Variants in HECW2 observed in about 807,000 individuals in gnomAD.
The protein encoded by HECW2 is HECT, C2 and WW domain containing E3 ubiquitin protein ligase 2.
Under a neutral mutation model 175.2 loss-of-function variants are expected in HECW2, and 61 were observed. The ratio of observed to expected loss-of-function variants is 0.35; its 90% CI spans 0.28 to 0.43. The LOEUF is 0.43. HECW2 is among the 20% of genes least tolerant of loss of function. HECW2 has a pLI of 1.00. For missense variants in HECW2, 1,524 were observed against 2,000.5 expected (o/e 0.76, Z 4.54); for synonymous variants, 671 against 731.0 (o/e 0.92, Z 1.32).
intron 2 of HECW2, among the ~76,000 whole-genome samples, chr2:196,411,675 G>A (rs189656251): frequency 1.7e-4 from 26 of 152,366 alleles, no homozygotes; most frequent in African/African-American, 6.0e-4. Flanking sequence ...AAGCTCAAGA[G>A]GAGGCATTTT....
At chr2:196,246,218 G>C (rs989366308) in intron 19 of HECW2, among the ~76,000 whole-genome samples, 8 of 152,184 alleles carry the variant, frequency 5.3e-5, no homozygotes, top group Non-Finnish European at 1.2e-4. Flanking sequence ...GTCCACTCAA[G>C]GGTGGCACAA....
Position 196,552,646 on chromosome 2 carries a change from C to T in HECW2, c.-36+40862G>A, listed in dbSNP as rs558088878. ...CCTTGAGAGGCCAAAGGAAGTCCTT[C>T]CTCTCTCCCGCTCCCTATGGTTCCT... On this transcript the variant is annotated intron_variant, in intron 1 of 28. Transcript: ENST00000644978. Among the ~76,000 whole-genome samples, 14 of 152,340 alleles carry T rather than the reference C, an allele frequency of 9.2e-5. No homozygotes were observed. The South Asian group carries it at 1.4e-3, about 16-fold the overall frequency.
At chr2:196,437,605 C>A in intron 1 of HECW2, among the ~76,000 whole-genome samples, 1 of 1,272 alleles carries the variant, frequency 7.9e-4, no homozygotes, top group Admixed American at 0.016. Context: ...GAGTGAGACT[C>A]TGTCTCAAAA....
chr2:196,366,426 C>T (rs943287909), intron 2 of HECW2, among the ~76,000 whole-genome samples: 1 of 152,138 alleles, frequency 6.6e-6, no homozygotes, highest in African/African-American at 2.4e-5. Context: ...CATTGTGATC[C>T]ATTACTTTCG....
chr2:196,265,299 A>G (rs1036875332), intron 17 of HECW2, among the ~76,000 whole-genome samples: 1 of 152,216 alleles, frequency 6.6e-6, no homozygotes, highest in African/African-American at 2.4e-5. Context: ...GGCCTGGCCA[A>G]CATGGTGAAA....
intron 14 of HECW2, among the ~76,000 whole-genome samples, chr2:196,280,320 C>G (rs570319757): frequency 1.3e-5 from 2 of 152,278 alleles, no homozygotes; most frequent in East Asian, 3.9e-4. Flanking sequence ...GGTATCTAGG[C>G]AAATGCCAGA....
At chr2:196,288,565 A>C (rs1690481275) in intron 14 of HECW2, 1 of 152,232 alleles carries the variant, frequency 6.6e-6, no homozygotes, top group South Asian at 2.1e-4. Flanking sequence ...GGATGCTGAC[A>C]TGAATCCTAC....
chr2:196,514,295 C>T (rs181820996), intron 1 of HECW2, among the ~76,000 whole-genome samples: 118 of 152,352 alleles, frequency 7.7e-4, no homozygotes, highest in Non-Finnish European at 1.4e-3. Context: ...TGTCCCCTGC[C>T]GCCTCTGTAT....
At chr2:196,460,148 C>G (rs1364061445) in intron 1 of HECW2, among the ~76,000 whole-genome samples, 1 of 152,136 alleles carries the variant, frequency 6.6e-6, no homozygotes. Context: ...TGAACCTCAT[C>G]ATTCTTCAGC....
chr2:196,237,593 T>C (rs918503103), intron 21 of HECW2, among the ~76,000 whole-genome samples: 10 of 152,360 alleles, frequency 6.6e-5, no homozygotes, highest in Middle Eastern at 3.4e-3. Context: ...CACTCATTGA[T>C]TGATGGACTT....
chr2:196,543,355 C>T (rs527470308), intron 1 of HECW2, among the ~76,000 whole-genome samples: 8 of 150,600 alleles, frequency 5.3e-5, no homozygotes, highest in African/African-American at 1.5e-4. Context: ...ATTCAAGATA[C>T]ATTTTAAAGT....
chr2:196,592,566 A>G (rs1172821316), intron 1 of HECW2: 1 of 152,362 alleles, frequency 6.6e-6, no homozygotes, highest in Non-Finnish European at 1.5e-5. Context: ...CACATTCCCA[A>G]CCAAAAAGGA....
intron 1 of HECW2, among the ~76,000 whole-genome samples, chr2:196,590,318 T>C (rs1339341332): frequency 6.6e-6 from 1 of 152,234 alleles, no homozygotes; most frequent in Non-Finnish European, 1.5e-5. Context: ...CTGTGTGTAA[T>C]GAAGCAACCT....
intron 1 of HECW2, among the ~76,000 whole-genome samples, chr2:196,455,360 C>T (rs1696475330): frequency 6.6e-6 from 1 of 152,154 alleles, no homozygotes; most frequent in African/African-American, 2.4e-5. Flanking sequence ...TTAACTTTTT[C>T]TAAAGTAGTC....
chr2:196,450,959 A>G (rs1176201681), intron 1 of HECW2, among the ~76,000 whole-genome samples: 1 of 152,198 alleles, frequency 6.6e-6, no homozygotes, highest in East Asian at 1.9e-4. Flanking sequence ...ATGAACCAAA[A>G]GTCAACCGAG....
intron 1 of HECW2, among the ~76,000 whole-genome samples, chr2:196,507,190 T>TGTATATTACACACACACTAATAC (rs1559148754): frequency 0.12 from 232 of 1,948 alleles, no homozygotes; most frequent in African/African-American, 0.3. Context: ...CACACTAATA[T>TGTATATTACACACACACTAATAC]GTGTATATTA....
At chr2:196,453,257 G>T (rs1240407666) in intron 1 of HECW2, among the ~76,000 whole-genome samples, 1 of 152,182 alleles carries the variant, frequency 6.6e-6, no homozygotes, top group Non-Finnish European at 1.5e-5. Flanking sequence ...CATCATATCA[G>T]TTTAGGGTCT....
chr2:196,515,899 G>A (rs910388041), intron 1 of HECW2, among the ~76,000 whole-genome samples: 5 of 151,646 alleles, frequency 3.3e-5, no homozygotes, highest in African/African-American at 9.7e-5. Context: ...GGAGGTAGGC[G>A]GATCACTTGA....
intron 26 of HECW2, 25 bp from the exon 27 acceptor site, chr2:196,217,118 A>G (rs1687502489): frequency 1.9e-6 from 3 of 1,573,718 alleles, no homozygotes; most frequent in Non-Finnish European, 2.6e-6. Context: ...ATAAAAGCCC[A>G]TGTTACTTTG....
Sources: allele counts gnomAD v4.1 joint callset (sites outside exome capture counted in the v4.1 genomes callset), GRCh38; gene constraint gnomAD v4.1.1; transcripts MANE v1.5; gene names NCBI Gene and HGNC (gene_info 2026-07-23, HGNC 2026-07-21).